Variants in PDE1A observed in about 807,000 individuals in gnomAD.
PDE1A encodes the protein phosphodiesterase 1A.
Under a neutral mutation model 61.7 loss-of-function variants are expected in PDE1A, and 35 were observed. That is an observed-to-expected ratio of 0.57 (90% CI 0.43 to 0.75). The LOEUF is 0.75. PDE1A is among the 30% of genes least tolerant of loss of function. The pLI is 0.00. For synonymous variants in PDE1A, 232 were observed against 213.2 expected (o/e 1.09, Z -0.77); for missense variants, 597 against 630.6 (o/e 0.95, Z 0.57).
chr2:182,493,845 T>C (rs1688548257), intron 2 of PDE1A, among the ~76,000 whole-genome samples: 1 of 151,882 alleles, frequency 6.6e-6, no homozygotes, highest in South Asian at 2.1e-4. Context: ...AAACACCACA[T>C]GTTAGGCTGG....
intron 1 of PDE1A, among the ~76,000 whole-genome samples, chr2:182,334,741 C>T (rs898090821): frequency 3.3e-5 from 5 of 152,192 alleles, no homozygotes; most frequent in African/African-American, 9.7e-5. Context: ...TCTTTCACCA[C>T]CCCTATTCAA....
chr2:182,157,164 G>A (rs772367247), intron 13 of PDE1A, among the ~76,000 whole-genome samples: 4 of 151,594 alleles, frequency 2.6e-5, no homozygotes, highest in Admixed American at 6.6e-5. Context: ...ACAGGCACAC[G>A]CCACCACGTC....
At chr2:182,702,446 G>A in the PDE1A span, among the ~76,000 whole-genome samples, 31 of 152,260 alleles carry the variant, frequency 2.0e-4, no homozygotes, top group African/African-American at 5.3e-4. Context: ...GCAAAGCAGC[G>A]TGCTGCTTTT....
chr2:182,631,281 C>T, the PDE1A span, among the ~76,000 whole-genome samples: 1 of 110,982 alleles, frequency 9.0e-6, no homozygotes, highest in Admixed American at 1.1e-4. Context: ...CTGCCTTTGC[C>T]TTCTTTTTTT....
intron 1 of PDE1A, among the ~76,000 whole-genome samples, chr2:182,349,703 T>C (rs139877186): frequency 0.021 from 3,134 of 152,160 alleles, 109 homozygotes; most frequent in African/African-American, 0.071. Flanking sequence ...GAGGTTGCAG[T>C]GAGCCGAGAT....
intron 5 of PDE1A, 112 bp downstream of exon 5, chr2:182,230,903 C>T: frequency 1.5e-6 from 1 of 665,956 alleles, no homozygotes; most frequent in Non-Finnish European, 2.7e-6. Flanking sequence ...CTGTGACCTG[C>T]TAACTAAAAC....
At chr2:182,680,003 C>T in the PDE1A span, among the ~76,000 whole-genome samples, 1 of 152,046 alleles carries the variant, frequency 6.6e-6, no homozygotes, top group Non-Finnish European at 1.5e-5. Flanking sequence ...AGTAGTCAGA[C>T]CGTGAAACAA....
chr2:182,658,524 G>A, the PDE1A span, among the ~76,000 whole-genome samples: 4 of 152,152 alleles, frequency 2.6e-5, no homozygotes, highest in African/African-American at 9.7e-5. Flanking sequence ...GCACTTCAAC[G>A]TATCTTTTTA....
chr2:182,310,349 A>C (rs1695883845), intron 1 of PDE1A, among the ~76,000 whole-genome samples: 1 of 152,182 alleles, frequency 6.6e-6, no homozygotes, highest in Non-Finnish European at 1.5e-5. Context: ...CTATTCCTTC[A>C]GGGGGCTATG....
intron 1 of PDE1A, among the ~76,000 whole-genome samples, chr2:182,378,513 G>A (rs914659279): frequency 2.0e-5 from 3 of 152,126 alleles, no homozygotes; most frequent in African/African-American, 7.2e-5. Flanking sequence ...ATTAAAAATT[G>A]CCACCAAGTG....
intron 13 of PDE1A, among the ~76,000 whole-genome samples, chr2:182,184,261 G>GA (rs67827399): frequency 0.015 from 2,204 of 148,280 alleles, 50 homozygotes; most frequent in African/African-American, 0.05. Flanking sequence ...GTAGAATACT[G>GA]AAAAAAAAAA....
chr2:182,710,711 A>C, the PDE1A span, among the ~76,000 whole-genome samples: 6 of 152,198 alleles, frequency 3.9e-5, no homozygotes, highest in Admixed American at 3.3e-4. Context: ...TGGCTGAATA[A>C]TATTCCATGG....
intron 2 of PDE1A, among the ~76,000 whole-genome samples, chr2:182,433,494 A>G (rs934816769): frequency 6.6e-6 from 1 of 152,050 alleles, no homozygotes; most frequent in African/African-American, 2.4e-5. Context: ...TTGATCATGT[A>G]TATCAGGTAG....
At chr2:182,527,699 T>C (rs541650265), upstream of PDE1A, among the ~76,000 whole-genome samples, 2 of 152,172 alleles carry the variant, frequency 1.3e-5, no homozygotes, top group Non-Finnish European at 2.9e-5. Flanking sequence ...ATGGTTTGGC[T>C]GTGTTCCCAT....
At chr2:182,302,309 C>T (rs1393903956) in intron 1 of PDE1A, among the ~76,000 whole-genome samples, 2 of 152,282 alleles carry the variant, frequency 1.3e-5, no homozygotes, top group African/African-American at 4.8e-5. Context: ...CCTCAATTAT[C>T]GGCATGCCTC....
At chr2:182,562,073 G>A in the PDE1A span, among the ~76,000 whole-genome samples, 2 of 150,162 alleles carry the variant, frequency 1.3e-5, no homozygotes, top group African/African-American at 4.8e-5. Flanking sequence ...GATTGCCCTG[G>A]CCAGAACTTC....
chr2:182,593,585 G>GA, the PDE1A span, among the ~76,000 whole-genome samples: 1 of 152,170 alleles, frequency 6.6e-6, no homozygotes, highest in Non-Finnish European at 1.5e-5. Context: ...TGTTGGATTT[G>GA]AAAAAACTCC....
the PDE1A span, among the ~76,000 whole-genome samples, chr2:182,635,698 C>CTCTCTCTCTCTCTA: frequency 4.1e-3 from 603 of 147,572 alleles, 6 homozygotes; most frequent in African/African-American, 0.013. Flanking sequence ...CTCTCTCTCT[C>CTCTCTCTCTCTCTA]TCCACATATG....
At chr2:182,168,400 C>G (rs889953038) in intron 13 of PDE1A, 1 of 979,450 alleles carries the variant, frequency 1.0e-6, no homozygotes, top group African/African-American at 1.7e-5. Context: ...TAAAAAATTA[C>G]TGTCGTAAAA....
Sources: gnomAD v4.1 joint callset for allele counts (sites outside exome capture counted in the v4.1 genomes callset) on GRCh38, gnomAD v4.1.1 for gene constraint, MANE v1.5 for transcripts, NCBI Gene and HGNC (gene_info 2026-07-23, HGNC 2026-07-21) for gene names.